The following RNF123 variants were observed in gnomAD, a reference collection of about 807,000 sequenced individuals.
RNF123 encodes ring finger protein 123.
RNF123 carries 86 observed loss-of-function variants against 168.5 expected under a neutral mutation model. That is an observed-to-expected ratio of 0.51 (90% CI 0.43 to 0.61). The LOEUF is 0.61. Ranked by LOEUF, RNF123 falls within the 20% of genes least tolerant of loss-of-function variation. The pLI, the probability that RNF123 is intolerant of heterozygous loss-of-function variation, is 0.00. For missense variants in RNF123, 1,419 were observed against 1,729.7 expected, an observed-to-expected ratio of 0.82 and a Z score of 3.19; for synonymous variants, 666 against 689.1, an observed-to-expected ratio of 0.97 and a Z score of 0.52.
In RNF123 at chr3:49,706,052, G is replaced by C. The variant is rs751762057; in HGVS notation, c.2375G>C (p.Arg792Pro). 6.2e-7 allele frequency: 1 copy of C among 1,613,968 alleles called. No individual in the cohort carries two copies. Among genetic ancestry groups the C allele is most frequent in the Non-Finnish European group, 8.5e-7 (1 of 1,179,972 alleles). The change falls in exon 25 of 39, where the codon CGG becomes CCG. Residue 792 changes from arginine to proline, a missense_variant. Physicochemically the swap from Arg to Pro is moderately radical, Grantham distance 103. This residue lies in a region of RNF123 where 538 missense variants were observed against 708.8 expected (regional missense o/e 0.76). Coordinates refer to ENST00000327697, the MANE Select transcript of RNF123 (RefSeq NM_022064.5). ...AGGGACACAGAGGACAAGCTCCGCC[G>C]GTGCCCCAAGAGGGTAAGGCCCACA... ...ALRDTEDKLR[R>P]CPKRRKDILA... is the part of the protein sequence containing the mutation.
intron 35 of RNF123, chr3:49,718,474 A>G: frequency 6.2e-7 from 1 of 1,612,966 alleles, no homozygotes; most frequent in Non-Finnish European, 8.5e-7. Context: ...GTCGGCCAGC[A>G]CCGCGATGCT....
Position 49,715,870 on chromosome 3 carries a change from CAGCTCA to C in RNF123, c.3202_3207del (p.Leu1068_Lys1069del), listed in dbSNP as rs1332608243. Reference sequence around the variant, plus strand: ...GGAGCGGAACTTTGTGGACAGCCGGCAGCTCAAGGTATGTGCCACCTGCTTTGACCT... The same window carrying C: ...GGAGCGGAACTTTGTGGACAGCCGGCAGGTATGTGCCACCTGCTTTGACCT... On this transcript the variant is annotated inframe_deletion, in exon 33 of 39. Transcript: ENST00000327697. 6.2e-7 allele frequency: 1 copy of C among 1,613,988 alleles called. No homozygotes were observed. Among genetic ancestry groups the C allele is most frequent in the African/African-American group, 1.3e-5 (1 of 74,954 alleles).
At chr3:49,703,391 C>T (rs1250700991) in intron 20 of RNF123, 36 bp from the exon 21 acceptor site, 8 of 1,567,432 alleles carry the variant, frequency 5.1e-6, no homozygotes, top group South Asian at 4.5e-5. Flanking sequence ...CCTACTGGGC[C>T]GTGACCACTG....
At chr3:49,717,786 C>G in intron 35 of RNF123, 1 of 761,426 alleles carries the variant, frequency 1.3e-6, no homozygotes, top group Non-Finnish European at 2.1e-6. Context: ...CAACCCCTGT[C>G]TCTACCAGTG....
At position 49,711,319 on chromosome 3, in the gene RNF123, T is replaced by G. The variant is rs189145859; in HGVS notation, c.2497-1160T>G. ...TGTGCCCAAAAGTTATGCTCTCTCCTTCTTTCTCTGTCTTAGCTGCTACAT... is the reference window on the plus strand; with the variant it reads ...TGTGCCCAAAAGTTATGCTCTCTCCGTCTTTCTCTGTCTTAGCTGCTACAT... On this transcript the variant is annotated intron_variant, in intron 26 of 38. Coordinates refer to ENST00000327697, the MANE Select transcript of RNF123 (RefSeq NM_022064.5). 3.7e-3 allele frequency among the ~76,000 whole-genome samples: 556 copies of G among 152,288 alleles called. 2 individuals are homozygous for G. The highest frequency in any genetic ancestry group is 0.013 in the African/African-American group (541 of 41,560).
Position 49,712,412 on chromosome 3 carries a change from A to T in RNF123, c.2497-67A>T. 2.6e-6 allele frequency: 4 copies of T among 1,533,498 alleles called. No individual in the cohort carries two copies. The South Asian group carries it at 4.6e-5, about 18-fold the overall frequency. The allele number at this position is 1,533,498 out of a possible 1,614,324, so 95.0% of individuals were successfully genotyped here. A position where few individuals can be genotyped will look rare whatever the true frequency, so the allele number is the denominator to read the frequency against. ...CCTGGGGAGGCCTTTCCTGATCCCC[A>T]GGCCAGGACATGCCCCCAAGACCCC... On this transcript the variant is annotated intron_variant, in intron 26 of 38. Transcript: ENST00000327697.
rs771702307 is a variant in RNF123 at position 49,718,240 on chromosome 3, C to T, written c.3500+1763C>T. On this transcript the variant is annotated intron_variant, in intron 35 of 38. Transcript: ENST00000327697. ...GCGGCAGCGGCAGGCACGGCGGCAGCAGCGGCAGGGTGGGGCGAACAGGTA... is the reference window on the plus strand; with the variant it reads ...GCGGCAGCGGCAGGCACGGCGGCAGTAGCGGCAGGGTGGGGCGAACAGGTA... 2.5e-6 allele frequency: 4 copies of T among 1,611,926 alleles called. No individual in the cohort carries two copies. The Admixed American group carries it at 6.7e-5, about 27-fold the overall frequency.
rs1461544630 is a variant in RNF123, at chr3:49,718,912, A to T, written c.3501-1599A>T. On this transcript the variant is annotated intron_variant, in intron 35 of 38. Transcript: ENST00000327697. ...GTTGGAGGAGAGGTCCAGAGTAAGC[A>T]GGTGGGTGGCGCTCAGACCGTGCAG... 1.9e-6 allele frequency: 3 copies of T among 1,613,740 alleles called. No individual in the cohort carries two copies. In the South Asian group the frequency reaches 3.3e-5, roughly 18 times the overall value.
chr3:49,719,461 G>A (rs777656665), intron 35 of RNF123: 1 of 1,610,972 alleles, frequency 6.2e-7, no homozygotes, highest in South Asian at 1.1e-5. Flanking sequence ...CACCAACCAG[G>A]TCATGGCGGC....
Position 49,700,681 on chromosome 3 carries a change from T to C in RNF123, c.1249T>C (p.Ser417Pro). The stretch of plus-strand genomic sequence containing the variant: ...TATCGCCATCCTGAGGCATGAGAAG[T>C]CCCGCAAGTTTCTGCTTAGCAATGT... ...LTIAILRHEK[S>P]RKFLLSNVLF... The change falls in exon 15 of 39, where the codon TCC becomes CCC. Residue 417 changes from serine to proline, a missense_variant. Physicochemically the swap from Ser to Pro is moderately conservative, Grantham distance 74. Transcript: ENST00000327697. 5.0e-6 allele frequency: 8 copies of C among 1,614,146 alleles called. No individual in the cohort carries two copies. The highest frequency in any genetic ancestry group is 6.8e-6 in the Non-Finnish European group (8 of 1,180,028).
At chr3:49,720,456 G>C (rs926988294) in intron 35 of RNF123, 55 bp from the exon 36 acceptor site, 1 of 1,496,384 alleles carries the variant, frequency 6.7e-7, no homozygotes, top group East Asian at 2.3e-5. Context: ...TCCCAAGAGA[G>C]ACTTTTAGCC....
At chr3:49,714,258 T>C (rs1174353051) in intron 31 of RNF123, 84 bp downstream of exon 31, 31 of 1,235,010 alleles carry the variant, frequency 2.5e-5, no homozygotes, top group Non-Finnish European at 3.5e-5. Flanking sequence ...GACTCTCCAC[T>C]TCTTCCAGCC....
chr3:49,708,038 C>G (rs11709749), intron 26 of RNF123, among the ~76,000 whole-genome samples: 151,246 of 152,224 alleles, frequency 0.99, 75,148 homozygotes, highest in East Asian at 1. Flanking sequence ...CCAGGCTGGA[C>G]TGCAATGGCA....
intron 21 of RNF123, among the ~76,000 whole-genome samples, chr3:49,703,932 G>A (rs1023257396): frequency 3.1e-4 from 47 of 152,178 alleles, no homozygotes; most frequent in Admixed American, 2.9e-3. Context: ...TGTATACGCC[G>A]GAGTGCAGGG....
At chr3:49,708,427 C>T (rs1575532771) in intron 26 of RNF123, among the ~76,000 whole-genome samples, 1 of 152,252 alleles carries the variant, frequency 6.6e-6, no homozygotes, top group East Asian at 1.9e-4. Flanking sequence ...CCCCACCTGT[C>T]AGCAGATCCC....
At chr3:49,698,397 C>T (rs766946041) in intron 7 of RNF123, 43 bp from the exon 8 acceptor site, 27 of 1,554,536 alleles carry the variant, frequency 1.7e-5, no homozygotes, top group Admixed American at 1.2e-4. Context: ...TGGCCCAGAC[C>T]CTGCCTGCCT....
At chr3:49,720,371 G>A (rs2080373020) in intron 35 of RNF123, 140 bp from the exon 36 acceptor site, 3 of 822,632 alleles carry the variant, frequency 3.6e-6, no homozygotes, top group Non-Finnish European at 5.3e-6. Context: ...CAGGACTTGG[G>A]GTTTGGGAAG....
intron 31 of RNF123, 137 bp from the exon 32 acceptor site, chr3:49,715,438 G>C (rs978416831): frequency 4.5e-5 from 48 of 1,056,842 alleles, no homozygotes; most frequent in Non-Finnish European, 6.4e-5. Flanking sequence ...TCTGTCCCCT[G>C]CTTTCATGAC....
chr3:49,714,242 C>A (rs2080198229), intron 31 of RNF123, 68 bp downstream of exon 31: 3 of 1,366,724 alleles, frequency 2.2e-6, no homozygotes, highest in African/African-American at 1.4e-5. Flanking sequence ...CCCATGGGTT[C>A]TTTCAGACTC....
Sources: gnomAD v4.1 joint callset for allele counts (sites outside exome capture counted in the v4.1 genomes callset) on GRCh38, gnomAD v4.1.1 for gene constraint, gnomAD v4.1.1 regional missense constraint, MANE v1.5 for transcripts, NCBI Gene and HGNC (gene_info 2026-07-23, HGNC 2026-07-21) for gene names.